Variants in NRXN3 observed in about 807,000 individuals in gnomAD.
NRXN3 encodes the protein neurexin III.
In NRXN3, 32 loss-of-function variants were observed where a neutral mutation model predicts 137.6. The observed-to-expected ratio is 0.23, with a 90% CI of 0.18 to 0.31. The LOEUF is 0.31. NRXN3 is among the 10% of genes least tolerant of loss of function. The pLI, the probability that NRXN3 is intolerant of heterozygous loss-of-function variation, is 1.00. For missense variants in NRXN3, 1,574 were observed against 2,062.5 expected (o/e 0.76, Z 4.59); for synonymous variants, 798 against 784.5 (o/e 1.02, Z -0.29).
At chr14:79,611,774 T>G (rs1222077923) in intron 16 of NRXN3, 1 of 152,240 alleles carries the variant, frequency 6.6e-6, no homozygotes, top group Non-Finnish European at 1.5e-5. Context: ...ATTGCCTGTA[T>G]GGAATCCTGG....
intron 2 of NRXN3, among the ~76,000 whole-genome samples, chr14:78,257,962 G>A (rs2069952146): frequency 6.6e-6 from 1 of 152,156 alleles, no homozygotes; most frequent in Non-Finnish European, 1.5e-5. Flanking sequence ...AGGGCTGATT[G>A]CAGAGATATC....
chr14:79,715,129 A>AT (rs1603447994), intron 19 of NRXN3, among the ~76,000 whole-genome samples: 1 of 151,854 alleles, frequency 6.6e-6, no homozygotes, highest in East Asian at 1.9e-4. Flanking sequence ...AATTTTTTGT[A>AT]TTTTTAGTAG....
At chr14:78,609,431 CTACTT>C (rs575059435) in intron 4 of NRXN3, among the ~76,000 whole-genome samples, 135 of 152,300 alleles carry the variant, frequency 8.9e-4, no homozygotes, top group Non-Finnish European at 1.6e-3. Flanking sequence ...AACGGTCACA[CTACTT>C]TAAAGTTTGG....
Position 78,171,197 on chromosome 14 carries a change from C to T in NRXN3, c.-704+523C>T, listed in dbSNP as rs59184512. Among the ~76,000 whole-genome samples, 1,178 of 144,974 alleles carry T rather than the reference C, an allele frequency of 8.1e-3. 14 individuals are homozygous for T. The highest frequency in any genetic ancestry group is 0.027 in the African/African-American group (1,051 of 39,192). ...ATTTCCCTAGCTGTTGAGGAATTGA[C>T]GTGTATGTGAGTGTGTGTGTGCTTT... On this transcript the variant is annotated intron_variant, in intron 1 of 20. Coordinates refer to ENST00000335750, the MANE Select transcript of NRXN3 (RefSeq NM_001330195.2).
chr14:78,620,427 T>C (rs1443033090), intron 4 of NRXN3, among the ~76,000 whole-genome samples: 1 of 152,234 alleles, frequency 6.6e-6, no homozygotes, highest in East Asian at 1.9e-4. Context: ...TTGTTCACAG[T>C]AAACACATCA....
intron 15 of NRXN3, among the ~76,000 whole-genome samples, chr14:79,325,943 A>G (rs2090793177): frequency 6.6e-6 from 1 of 151,898 alleles, no homozygotes; most frequent in African/African-American, 2.4e-5. Context: ...AAAAAAAGCT[A>G]CTCTTGCTGG....
At chr14:79,026,539 A>G (rs1867673568) in intron 15 of NRXN3, among the ~76,000 whole-genome samples, 1 of 152,140 alleles carries the variant, frequency 6.6e-6, no homozygotes, top group Non-Finnish European at 1.5e-5. Context: ...AATTGAATCA[A>G]TGAAGACAAT....
rs112361003 is a variant in NRXN3 at position 79,668,940 on chromosome 14, T to G, written c.3616+4991T>G. On this transcript the variant is annotated intron_variant, in intron 17 of 20. Transcript: ENST00000335750. ...CGGTATAAGAAAGATTTTTTTTTTG[T>G]CCACATCTCTTCCTCAATTATTGAG... Among the ~76,000 whole-genome samples, 41 of 152,190 alleles carry G rather than the reference T, an allele frequency of 2.7e-4. 1 individual carries two copies. Among genetic ancestry groups the G allele is most frequent in the African/African-American group, 9.1e-4 (38 of 41,538 alleles).
chr14:79,471,969 T>C (rs1033426412), intron 16 of NRXN3, among the ~76,000 whole-genome samples: 1 of 152,134 alleles, frequency 6.6e-6, no homozygotes, highest in Non-Finnish European at 1.5e-5. Context: ...CATTAGTTAT[T>C]TTTCTTGATC....
chr14:79,822,363 G>T (rs2141061164), intron 20 of NRXN3, among the ~76,000 whole-genome samples: 1 of 152,248 alleles, frequency 6.6e-6, no homozygotes, highest in East Asian at 1.9e-4. Flanking sequence ...TTACAGAACT[G>T]CCCTATATTT....
Position 79,866,180 on chromosome 14 carries a change from A to G in NRXN3, c.*4216A>G, listed in dbSNP as rs373967671. 1 of 152,214 alleles carries G rather than the reference A, an allele frequency of 6.6e-6. No homozygotes were observed. Among genetic ancestry groups the G allele is most frequent in the African/African-American group, 2.4e-5 (1 of 41,448 alleles). The allele number at this position is 152,214 out of a possible 1,614,324, so 9.4% of individuals were successfully genotyped here. On this transcript the variant is annotated 3_prime_UTR_variant, in exon 21 of 21. Coordinates refer to ENST00000335750, the MANE Select transcript of NRXN3 (RefSeq NM_001330195.2). ...CAAATTGAAGTTTGATCTTTCTCCA[A>G]AAAATATCCAAGCCCTGTGTTTGTC... is the stretch of plus-strand genomic sequence containing the variant.
chr14:78,975,217 C>T (rs2099460513), intron 14 of NRXN3, among the ~76,000 whole-genome samples: 1 of 152,062 alleles, frequency 6.6e-6, no homozygotes, highest in African/African-American at 2.4e-5. Flanking sequence ...TAGAGACATG[C>T]GTCCTGCCAT....
At chr14:78,502,710 T>TA (rs1450046661) in intron 4 of NRXN3, among the ~76,000 whole-genome samples, 1 of 152,194 alleles carries the variant, frequency 6.6e-6, no homozygotes, top group Non-Finnish European at 1.5e-5. Flanking sequence ...ATTAGCTGCT[T>TA]AGGGCAATTG....
At chr14:78,741,295 C>T (rs1217431645) in intron 8 of NRXN3, among the ~76,000 whole-genome samples, 2 of 152,070 alleles carry the variant, frequency 1.3e-5, no homozygotes, top group Non-Finnish European at 2.9e-5. Context: ...TGTAACAACA[C>T]GTGGGGAGAT....
intron 15 of NRXN3, among the ~76,000 whole-genome samples, chr14:79,172,931 A>T (rs2061930993): frequency 6.6e-6 from 1 of 152,214 alleles, no homozygotes; most frequent in Admixed American, 6.5e-5. Context: ...ATACATGGAA[A>T]TTTAATCACT....
chr14:78,774,116 G>T (rs1466097081), intron 8 of NRXN3, among the ~76,000 whole-genome samples: 5 of 152,018 alleles, frequency 3.3e-5, no homozygotes, highest in African/African-American at 1.2e-4. Context: ...TTTCTTATTT[G>T]CATGCTTTAT....
At chr14:78,699,021 G>A (rs1451271069) in intron 6 of NRXN3, among the ~76,000 whole-genome samples, 1 of 151,898 alleles carries the variant, frequency 6.6e-6, no homozygotes, top group Non-Finnish European at 1.5e-5. Context: ...ACCTCCTCCT[G>A]TAAGCACGTA....
At chr14:79,069,019 G>A (rs2099684126) in intron 15 of NRXN3, among the ~76,000 whole-genome samples, 1 of 152,036 alleles carries the variant, frequency 6.6e-6, no homozygotes, top group African/African-American at 2.4e-5. Context: ...TTATAACATG[G>A]CATCATTTGA....
At chr14:79,561,574 T>C (rs918938) in intron 16 of NRXN3, among the ~76,000 whole-genome samples, 133,119 of 152,122 alleles carry the variant, frequency 0.88, 58,535 homozygotes, top group Admixed American at 0.92. Flanking sequence ...TGATAGAATT[T>C]CTCCTTAGTT....
Sources: gnomAD v4.1 joint callset for allele counts (sites outside exome capture counted in the v4.1 genomes callset) on GRCh38, gnomAD v4.1.1 for gene constraint, MANE v1.5 for transcripts, NCBI Gene and HGNC (gene_info 2026-07-23, HGNC 2026-07-21) for gene names.